The following CFDP1 variants were observed in gnomAD, a reference collection of about 807,000 sequenced individuals.
The protein encoded by CFDP1 is chromatin remodeling protein CFDP1.
CFDP1 carries 31 observed loss-of-function variants against 40.1 expected under a neutral mutation model. That is an observed-to-expected ratio of 0.77 (90% confidence interval 0.58 to 1.04). The LOEUF (loss-of-function observed/expected upper bound fraction) is 1.04. Among genes scored for constraint, CFDP1 ranks in the 50% least tolerant of loss-of-function variants. The probability of loss-of-function intolerance (pLI) is 0.00; values close to 1 mark genes in which losing one functional copy is unlikely to be tolerated. For synonymous variants in CFDP1, 167 were observed against 120.0 expected (o/e 1.39, Z -2.56); for missense variants, 423 against 343.4 (o/e 1.23, Z -1.83).
chr16:75,422,396 CTTTTT>C (rs765465924), intron 1 of CFDP1, among the ~76,000 whole-genome samples: 1 of 129,468 alleles, frequency 7.7e-6, no homozygotes, highest in Non-Finnish European at 1.6e-5. Flanking sequence ...CGTATGGCCT[CTTTTT>C]TTTTTTTTTT....
chr16:75,394,936 A>G (rs1268033045), intron 5 of CFDP1, 154 bp downstream of exon 5: 2 of 959,292 alleles, frequency 2.1e-6, no homozygotes, highest in Non-Finnish European at 3.0e-6. Flanking sequence ...TTTCCTTTGC[A>G]TCTTCCATTC....
intron 5 of CFDP1, among the ~76,000 whole-genome samples, chr16:75,371,631 T>G (rs919615161): frequency 2.0e-5 from 3 of 152,218 alleles, no homozygotes; most frequent in African/African-American, 7.2e-5. Context: ...TACTATAGCC[T>G]AACATTCATA....
intron 1 of CFDP1, among the ~76,000 whole-genome samples, chr16:75,420,384 C>T (rs1449821278): frequency 6.6e-6 from 1 of 152,132 alleles, no homozygotes; most frequent in Non-Finnish European, 1.5e-5. Context: ...GCATTTAGAT[C>T]TAACTTCTGA....
At chr16:75,332,476 G>A (rs916725397) in intron 5 of CFDP1, among the ~76,000 whole-genome samples, 3 of 151,186 alleles carry the variant, frequency 2.0e-5, no homozygotes, top group Non-Finnish European at 2.9e-5. Context: ...AAAATAAAAA[G>A]TAAAATAAAA....
intron 5 of CFDP1, among the ~76,000 whole-genome samples, chr16:75,365,912 A>G (rs2078710511): frequency 6.6e-6 from 1 of 152,168 alleles, no homozygotes; most frequent in Non-Finnish European, 1.5e-5. Flanking sequence ...AAGTGGACAA[A>G]GCGAACCCTC....
chr16:75,428,335 G>A (rs1254456399), intron 1 of CFDP1, among the ~76,000 whole-genome samples: 3 of 152,148 alleles, frequency 2.0e-5, no homozygotes, highest in Middle Eastern at 3.2e-3. Context: ...TTCAAAGTTG[G>A]CTGGGCTCAG....
At chr16:75,333,750 C>T (rs1205908171) in intron 5 of CFDP1, among the ~76,000 whole-genome samples, 1 of 152,168 alleles carries the variant, frequency 6.6e-6, no homozygotes, top group African/African-American at 2.4e-5. Context: ...ATGCCACAGA[C>T]TGTCATCAAA....
Position 75,368,209 on chromosome 16 carries a change from T to C in CFDP1, c.650+26881A>G, listed in dbSNP as rs77522194. Among the ~76,000 whole-genome samples, 224 of 152,328 alleles carry C rather than the reference T, an allele frequency of 1.5e-3. 1 individual carries two copies. Among genetic ancestry groups the C allele is most frequent in the African/African-American group, 5.3e-3 (220 of 41,574 alleles). On this transcript the variant is annotated intron_variant, in intron 5 of 6. Coordinates refer to ENST00000283882, the MANE Select transcript of CFDP1 (RefSeq NM_006324.3). The stretch of plus-strand genomic sequence containing the variant: ...AACTTACGATACAATTAAGGAAATA[T>C]GAACACTGACTAAATACTGGATATC...
intron 5 of CFDP1, chr16:75,380,017 A>G (rs2078839953): frequency 6.6e-6 from 1 of 152,088 alleles, no homozygotes; most frequent in African/African-American, 2.4e-5. Context: ...ACTCATTTGT[A>G]GTCCCAGCTA....
intron 5 of CFDP1, among the ~76,000 whole-genome samples, chr16:75,338,066 T>A (rs2078501765): frequency 6.6e-6 from 1 of 152,238 alleles, no homozygotes; most frequent in Admixed American, 6.5e-5. Context: ...CTGCAACTTT[T>A]ACTTCAAAGG....
chr16:75,342,672 G>A (rs1417064324), intron 5 of CFDP1, among the ~76,000 whole-genome samples: 7 of 152,162 alleles, frequency 4.6e-5, no homozygotes, highest in African/African-American at 1.7e-4. Context: ...CTTACTTGGG[G>A]GAAGAAGAAC....
At chr16:75,346,882 GA>G (rs1274423747) in intron 5 of CFDP1, among the ~76,000 whole-genome samples, 1 of 151,768 alleles carries the variant, frequency 6.6e-6, no homozygotes, top group African/African-American at 2.4e-5. Context: ...CCCCACTCCT[GA>G]AAAAAAATTC....
chr16:75,316,602 T>C (rs1214353697), intron 5 of CFDP1, among the ~76,000 whole-genome samples: 6 of 148,350 alleles, frequency 4.0e-5, no homozygotes, highest in Admixed American at 1.3e-4. Context: ...AAAAGTCCTA[T>C]TTGAAGGACA....
intron 5 of CFDP1, among the ~76,000 whole-genome samples, chr16:75,354,882 G>A (rs1184408240): frequency 2.6e-5 from 4 of 152,196 alleles, no homozygotes; most frequent in Non-Finnish European, 5.9e-5. Flanking sequence ...AATATAAGAT[G>A]TTAACATCAG....
chr16:75,337,002 C>T (rs2078493485), intron 5 of CFDP1, among the ~76,000 whole-genome samples: 1 of 152,138 alleles, frequency 6.6e-6, no homozygotes, highest in African/African-American at 2.4e-5. Flanking sequence ...CCTTGTTTGG[C>T]TCTGAGTTGC....
At chr16:75,351,473 G>T (rs2078610424) in intron 5 of CFDP1, among the ~76,000 whole-genome samples, 1 of 152,070 alleles carries the variant, frequency 6.6e-6, no homozygotes, top group Non-Finnish European at 1.5e-5. Context: ...AGACTATTAA[G>T]GTCACTATCA....
chr16:75,423,809 C>A (rs967147406), intron 1 of CFDP1, among the ~76,000 whole-genome samples: 2 of 152,186 alleles, frequency 1.3e-5, no homozygotes, highest in African/African-American at 4.8e-5. Flanking sequence ...AAGTGATCTG[C>A]ACTCCTTGGC....
At chr16:75,374,145 T>G (rs928160319) in intron 5 of CFDP1, among the ~76,000 whole-genome samples, 2 of 151,878 alleles carry the variant, frequency 1.3e-5, no homozygotes, top group Non-Finnish European at 2.9e-5. Context: ...CCCAGCTACT[T>G]GGGAGGCTGA....
chr16:75,325,982 T>A (rs1453294755), intron 5 of CFDP1, among the ~76,000 whole-genome samples: 1 of 152,222 alleles, frequency 6.6e-6, no homozygotes, highest in African/African-American at 2.4e-5. Flanking sequence ...AATAATCTTG[T>A]CATTAATCTG....
Sources: allele counts gnomAD v4.1 joint callset (sites outside exome capture counted in the v4.1 genomes callset), GRCh38; gene constraint gnomAD v4.1.1; transcripts MANE v1.5; gene names NCBI Gene and HGNC (gene_info 2026-07-23, HGNC 2026-07-21).